HHLA2: variants seen among roughly 807,000 people sequenced by gnomAD.
HHLA2 encodes HERV-H LTR-associating protein 2.
HHLA2 carries 48 observed loss-of-function variants against 45.9 expected under a neutral mutation model. The ratio of observed to expected loss-of-function variants is 1.05; its 90% CI spans 0.83 to 1.33. The LOEUF (loss-of-function observed/expected upper bound fraction) is 1.33. HHLA2 is among the 40% of genes most tolerant of loss of function. The pLI is 0.00. For synonymous variants in HHLA2, 161 were observed against 173.9 expected (o/e 0.93, Z 0.59); for missense variants, 462 against 494.3 (o/e 0.93, Z 0.62).
intron 10 of HHLA2, chr3:108,376,916 C>T (rs2082285920): frequency 1.5e-5 from 5 of 336,928 alleles, no homozygotes; most frequent in Admixed American, 1.3e-4. Context: ...AACTATAATT[C>T]ACTTGCAAAT....
intron 8 of HHLA2, among the ~76,000 whole-genome samples, chr3:108,370,912 C>G (rs1481024159): frequency 6.6e-6 from 1 of 152,124 alleles, no homozygotes. Flanking sequence ...TGGGGAAGTT[C>G]TCCTGGATAA....
chr3:108,317,578 T>TC (rs1248996029), intron 2 of HHLA2, among the ~76,000 whole-genome samples: 1 of 146,068 alleles, frequency 6.8e-6, no homozygotes, highest in Admixed American at 6.8e-5. Flanking sequence ...GATTACTTCT[T>TC]TTTTTTTTTT....
At chr3:108,362,406 G>C in exon 8 of HHLA2, 1 of 1,612,430 alleles carries the variant, frequency 6.2e-7, no homozygotes, top group South Asian at 1.1e-5. Context: ...CTGCGATTTT[G>C]GCAGCTTTTC....
At position 108,358,169 on chromosome 3, in the gene HHLA2, G is replaced by C. The variant is rs1282483581; in HGVS notation, c.1003+8G>C. ...TCCACACAGTGCATGTAGGTAAGTT[G>C]CAAGTAGGTTTGGATAATGGGTTTT... On this transcript the variant is annotated splice_region_variant and intron_variant, in intron 7 of 10. Coordinates refer to ENST00000619531, the Ensembl canonical transcript of HHLA2. 1.9e-6 allele frequency: 3 copies of C among 1,587,138 alleles called. No individual in the cohort carries two copies. In the Admixed American group the frequency reaches 5.2e-5, roughly 27 times the overall value.
At chr3:108,346,941 A>G (rs901799936) in intron 3 of HHLA2, among the ~76,000 whole-genome samples, 2 of 152,154 alleles carry the variant, frequency 1.3e-5, no homozygotes, top group African/African-American at 4.8e-5. Context: ...TAGTCTTAGC[A>G]TATGGATTTC....
intron 2 of HHLA2, among the ~76,000 whole-genome samples, chr3:108,314,472 A>G (rs2081070685): frequency 6.6e-6 from 1 of 152,076 alleles, no homozygotes; most frequent in African/African-American, 2.4e-5. Context: ...TAAATAGGAT[A>G]AGAATATTGT....
intron 1 of HHLA2, among the ~76,000 whole-genome samples, chr3:108,299,586 G>A (rs916939652): frequency 3.3e-5 from 5 of 152,004 alleles, no homozygotes; most frequent in Non-Finnish European, 7.4e-5. Flanking sequence ...GGAATCTATG[G>A]AAATGCTACG....
At chr3:108,299,815 C>A (rs1257777320) in intron 1 of HHLA2, among the ~76,000 whole-genome samples, 10 of 152,084 alleles carry the variant, frequency 6.6e-5, no homozygotes, top group African/African-American at 2.4e-4. Flanking sequence ...CGCTAGGTAC[C>A]ATTTCGTGTA....
At chr3:108,366,198 A>G (rs2082060543) in intron 8 of HHLA2, among the ~76,000 whole-genome samples, 1 of 152,202 alleles carries the variant, frequency 6.6e-6, no homozygotes, top group Non-Finnish European at 1.5e-5. Context: ...AGTGGTGTTG[A>G]ATTTGATTGA....
intron 8 of HHLA2, among the ~76,000 whole-genome samples, chr3:108,363,045 A>G (rs537684974): frequency 4.7e-4 from 71 of 152,214 alleles, no homozygotes; most frequent in Non-Finnish European, 8.7e-4. Flanking sequence ...ATTTCATTTT[A>G]ATTGTTGTTC....
chr3:108,358,076 T>C (rs1239927786), exon 7 of HHLA2: 3 of 1,613,634 alleles, frequency 1.9e-6, no homozygotes, highest in Admixed American at 1.7e-5. Context: ...ATTTGATGGA[T>C]CTTAATCTTT....
Position 108,362,455 on chromosome 3 carries a change from A to G in HHLA2, c.1108+9A>G. ...CGTAAAATGTTGCAGAGGTAATAGA[A>G]GAATTTGGGCTCTGCCCCACGTGTT... On this transcript the variant is annotated intron_variant, in intron 8 of 10. Coordinates refer to ENST00000619531, the Ensembl canonical transcript of HHLA2. 6.3e-7 allele frequency: 1 copy of G among 1,581,216 alleles called. No homozygotes were observed. Among genetic ancestry groups the G allele is most frequent in the Non-Finnish European group, 8.7e-7 (1 of 1,154,996 alleles).
intron 2 of HHLA2, chr3:108,325,666 C>T (rs145291010): frequency 2.5e-5 from 6 of 237,702 alleles, no homozygotes; most frequent in Non-Finnish European, 5.0e-5. Context: ...TTGTAATTGC[C>T]AAAAATCGTT....
chr3:108,339,695 T>A (rs1013950165), intron 3 of HHLA2, among the ~76,000 whole-genome samples: 3 of 152,102 alleles, frequency 2.0e-5, no homozygotes, highest in African/African-American at 7.2e-5. Flanking sequence ...GCAGGTAAAA[T>A]CTCCTAGTAA....
chr3:108,368,684 A>G (rs1234347293), intron 8 of HHLA2, among the ~76,000 whole-genome samples: 1 of 152,130 alleles, frequency 6.6e-6, no homozygotes, highest in Non-Finnish European at 1.5e-5. Flanking sequence ...AGAGCTAACT[A>G]TCCTAAATAT....
intron 8 of HHLA2, among the ~76,000 whole-genome samples, chr3:108,368,867 A>C (rs995899789): frequency 6.6e-6 from 1 of 152,214 alleles, no homozygotes; most frequent in Non-Finnish European, 1.5e-5. Context: ...TCAGCTCTGG[A>C]CTAAGCGGAC....
chr3:108,377,517 A>G (rs570408659), exon 11 of HHLA2: 1 of 499,564 alleles, frequency 2.0e-6, no homozygotes, highest in African/African-American at 1.9e-5. Context: ...AAGGATTCCA[A>G]TTTAACTTTG....
intron 3 of HHLA2, among the ~76,000 whole-genome samples, chr3:108,346,121 C>CAT (rs3053485): frequency 0.68 from 102,610 of 151,792 alleles, 35,561 homozygotes; most frequent in African/African-American, 0.77. Flanking sequence ...TCCCCCAAAA[C>CAT]GTTAGCACAT....
At chr3:108,326,008 AG>A in intron 2 of HHLA2, 1 of 319,804 alleles carries the variant, frequency 3.1e-6, no homozygotes, top group Non-Finnish European at 6.1e-6. Context: ...AAGTTATGAA[AG>A]CAAAGCCCCT....
Sources: allele counts gnomAD v4.1 joint callset (sites outside exome capture counted in the v4.1 genomes callset), GRCh38; gene constraint gnomAD v4.1.1; transcripts MANE v1.5; gene names NCBI Gene and HGNC (gene_info 2026-07-23, HGNC 2026-07-21).